RPH3AL: variants seen among roughly 807,000 people sequenced by gnomAD.
RPH3AL encodes the protein rab effector Noc2.
Under a neutral mutation model 43.1 loss-of-function variants are expected in RPH3AL, and 38 were observed. The ratio of observed to expected loss-of-function variants is 0.88; its 90% CI spans 0.68 to 1.15. RPH3AL has a LOEUF of 1.15. Among genes scored for constraint, RPH3AL ranks in the 50% most tolerant of loss-of-function variants. The pLI, the probability that RPH3AL is intolerant of heterozygous loss-of-function variation, is 0.00. For missense variants in RPH3AL, 462 were observed against 423.2 expected (o/e 1.09, Z -0.81); for synonymous variants, 189 against 176.3 (o/e 1.07, Z -0.57).
Position 215,230 on chromosome 17 carries a change from C to A in RPH3AL, c.876+424G>T, listed in dbSNP as rs2040768084. On this transcript the variant is annotated intron_variant, in intron 9 of 9. Coordinates refer to ENST00000331302, the MANE Select transcript of RPH3AL (RefSeq NM_006987.4). This position sits in a 1 kb window ranked among gnomAD's most constrained non-coding sequence, Gnocchi z 4.1. ...CCCCCGCCACAGGATGATCCTGGGC[C>A]AACCAGGGCTGGGCCCAGCAGGTGC... is the stretch of plus-strand genomic sequence containing the variant. Among the ~76,000 whole-genome samples, 1 of 152,136 alleles carries A rather than the reference C, an allele frequency of 6.6e-6. No homozygotes were observed. Among genetic ancestry groups the A allele is most frequent in the African/African-American group, 2.4e-5 (1 of 41,436 alleles).
intron 6 of RPH3AL, among the ~76,000 whole-genome samples, chr17:268,206 C>G (rs916472780): frequency 6.6e-6 from 1 of 152,126 alleles, no homozygotes; most frequent in African/African-American, 2.4e-5. Context: ...CGAAAGCAAC[C>G]CCTCCTCTTC....
chr17:243,034 G>T, intron 7 of RPH3AL, among the ~76,000 whole-genome samples: 1 of 106,900 alleles, frequency 9.4e-6, no homozygotes, highest in East Asian at 2.9e-4. Context: ...TTCCTCTATT[G>T]AATACCATCC....
In RPH3AL at chr17:299,414, A is replaced by AG. The variant is rs1342015067; in HGVS notation, c.352-17561dup. 2.6e-5 allele frequency among the ~76,000 whole-genome samples: 4 copies of AG among 152,136 alleles called. No individual in the cohort carries two copies. The East Asian group carries it at 7.7e-4, about 29-fold the overall frequency. The stretch of plus-strand genomic sequence containing the variant: ...GGAGAGTCTGGAAGGAGAGGGCTAA[A>AG]GGGGCCTCTGGTGAGGGCCTGATTC... On this transcript the variant is annotated intron_variant, in intron 5 of 9. Coordinates refer to ENST00000331302, the MANE Select transcript of RPH3AL (RefSeq NM_006987.4).
At chr17:226,971 A>G (rs1466167949) in intron 7 of RPH3AL, among the ~76,000 whole-genome samples, 2 of 152,204 alleles carry the variant, frequency 1.3e-5, no homozygotes, top group Non-Finnish European at 2.9e-5. Flanking sequence ...CTGGTTTTTC[A>G]GATGGAAGAT....
In RPH3AL at chr17:274,863, A is replaced by G. The variant is rs1414480108; in HGVS notation, c.438+6905T>C. On this transcript the variant is annotated intron_variant, in intron 6 of 9. Coordinates refer to ENST00000331302, the MANE Select transcript of RPH3AL (RefSeq NM_006987.4). This position sits in a 1 kb window ranked among gnomAD's most constrained non-coding sequence, Gnocchi z 4.7. ...ATTAGACAATTGTTTGGTGTCTAGGAAACATAAAGACGGGCCTTACTAATA... is the reference window on the plus strand; with the variant it reads ...ATTAGACAATTGTTTGGTGTCTAGGGAACATAAAGACGGGCCTTACTAATA... Among the ~76,000 whole-genome samples, 1 of 152,220 alleles carries G rather than the reference A, an allele frequency of 6.6e-6. No individual in the cohort carries two copies. Among genetic ancestry groups the G allele is most frequent in the Non-Finnish European group, 1.5e-5 (1 of 68,038 alleles).
At chr17:238,735 C>T (rs2041460694) in intron 7 of RPH3AL, among the ~76,000 whole-genome samples, 1 of 152,164 alleles carries the variant, frequency 6.6e-6, no homozygotes, top group Non-Finnish European at 1.5e-5. Flanking sequence ...CTACTTTCAC[C>T]TCCCACCCCC....
At chr17:258,180 G>T (rs1555545046) in intron 6 of RPH3AL, among the ~76,000 whole-genome samples, 1 of 152,102 alleles carries the variant, frequency 6.6e-6, no homozygotes. Context: ...CCTTTTCGCT[G>T]GTCCTTCTGT....
intron 1 of RPH3AL, among the ~76,000 whole-genome samples, chr17:336,771 C>G (rs971253619): frequency 1.3e-5 from 2 of 152,240 alleles, no homozygotes; most frequent in Non-Finnish European, 2.9e-5. Flanking sequence ...AGCCACCCCT[C>G]TGCAAAACTG....
rs543974489 is a variant in RPH3AL, at chr17:320,711, C to G, written c.221+561G>C. On this transcript the variant is annotated intron_variant, in intron 4 of 9. Transcript: ENST00000331302. Reference sequence around the variant, plus strand: ...GGCCAGAATGAAATCAATTCCTGCCCAGTGCATTTGTGTCTTCCTACTTGT... The same window carrying G: ...GGCCAGAATGAAATCAATTCCTGCCGAGTGCATTTGTGTCTTCCTACTTGT... 6.4e-4 allele frequency among the ~76,000 whole-genome samples: 97 copies of G among 152,192 alleles called. 1 individual carries two copies. The highest frequency in any genetic ancestry group is 1.2e-3 in the Non-Finnish European group (83 of 68,036).
rs982745106 is a variant in RPH3AL, at chr17:245,223, ATGTG to A, written c.613+1884_613+1887del. ...GATGTGAGCGTGTGTGTCCATGTGG[ATGTG>A]TGTGTGCGTGTGGATGAGAGCATGT... On this transcript the variant is annotated intron_variant, in intron 7 of 9. Coordinates refer to ENST00000331302, the MANE Select transcript of RPH3AL (RefSeq NM_006987.4). The surrounding 1 kb of genome is among the most constrained non-coding windows in gnomAD (Gnocchi z 5.9). Among the ~76,000 whole-genome samples, 1 of 122,028 alleles carries A rather than the reference ATGTG, an allele frequency of 8.2e-6. No individual in the cohort carries two copies. Among genetic ancestry groups the A allele is most frequent in the Non-Finnish European group, 1.7e-5 (1 of 57,614 alleles). The allele number at this position is 122,028 out of a possible 152,430, so 80.1% of individuals were successfully genotyped here. A position where few individuals can be genotyped will look rare whatever the true frequency, so the allele number is the denominator to read the frequency against.
At chr17:229,065 TA>T (rs2041167908) in intron 7 of RPH3AL, among the ~76,000 whole-genome samples, 1 of 152,208 alleles carries the variant, frequency 6.6e-6, no homozygotes. Flanking sequence ...TACATATTTT[TA>T]AAAAATTAGA....
At chr17:302,935 G>A (rs567525377) in intron 5 of RPH3AL, among the ~76,000 whole-genome samples, 5 of 152,338 alleles carry the variant, frequency 3.3e-5, no homozygotes, top group Admixed American at 1.3e-4. Context: ...GGTCAGGGGC[G>A]GGAGCTTCGC....
chr17:336,000 C>T (rs1014165644), intron 1 of RPH3AL: 3 of 54,052 alleles, frequency 5.6e-5, no homozygotes, highest in African/African-American at 1.6e-4. Flanking sequence ...TGTGCCATCC[C>T]ACTGGGCGCT....
intron 5 of RPH3AL, among the ~76,000 whole-genome samples, chr17:296,747 A>C (rs538864016): frequency 6.6e-6 from 1 of 152,344 alleles, no homozygotes; most frequent in South Asian, 2.1e-4. Flanking sequence ...TATTGTTTTG[A>C]AACTTCAAGT....
At chr17:221,556 A>G (rs375141834) in intron 7 of RPH3AL, among the ~76,000 whole-genome samples, 14 of 73,920 alleles carry the variant, frequency 1.9e-4, no homozygotes, top group African/African-American at 8.8e-4. Context: ...GCCTCCACTC[A>G]CTGAGACAAT....
chr17:321,501 G>A (rs2044472033), intron 3 of RPH3AL, 86 bp from the exon 4 acceptor site: 1 of 1,423,186 alleles, frequency 7.0e-7, no homozygotes, highest in Non-Finnish European at 9.2e-7. Flanking sequence ...GCCCCCCCGA[G>A]AACAGTCAGT....
intron 6 of RPH3AL, among the ~76,000 whole-genome samples, chr17:281,373 A>G (rs2042773926): frequency 6.6e-6 from 1 of 152,108 alleles, no homozygotes; most frequent in East Asian, 1.9e-4. Context: ...CATACATGCA[A>G]GGAACTTATG....
chr17:321,145 G>A (rs1399186148), intron 4 of RPH3AL, 127 bp downstream of exon 4: 5 of 1,195,846 alleles, frequency 4.2e-6, no homozygotes, highest in Non-Finnish European at 5.9e-6. Context: ...TGGAGTCAGG[G>A]ACCTCCTCAC....
chr17:268,545 G>A (rs959216371), intron 6 of RPH3AL, among the ~76,000 whole-genome samples: 2 of 102,516 alleles, frequency 2.0e-5, no homozygotes, highest in African/African-American at 7.0e-5. Flanking sequence ...TTTTAAGTAT[G>A]TTTTTGGGTT....
Sources: gnomAD v4.1 joint callset for allele counts (sites outside exome capture counted in the v4.1 genomes callset) on GRCh38, gnomAD v4.1.1 for gene constraint, Gnocchi (gnomAD v3.1) non-coding constraint, MANE v1.5 for transcripts, NCBI Gene and HGNC (gene_info 2026-07-23, HGNC 2026-07-21) for gene names.